NEDD4: variants seen among roughly 807,000 people sequenced by gnomAD.
The protein encoded by NEDD4 is E3 ubiquitin-protein ligase NEDD4.
A neutral mutation model predicts 144.9 loss-of-function variants in NEDD4; 99 were observed. The observed-to-expected ratio is 0.68, with a 90% CI of 0.58 to 0.81. NEDD4 has a LOEUF of 0.81. Ranked by LOEUF, NEDD4 falls within the 30% of genes least tolerant of loss-of-function variation. NEDD4 has a pLI of 0.00. For missense variants in NEDD4, 985 were observed against 1,065.9 expected, an observed-to-expected ratio of 0.92 and a Z score of 1.06; for synonymous variants, 318 against 350.6, an observed-to-expected ratio of 0.91 and a Z score of 1.04.
chr15:55,977,153 C>T (rs969705469), intron 1 of NEDD4, among the ~76,000 whole-genome samples: 1 of 152,094 alleles, frequency 6.6e-6, no homozygotes, highest in Non-Finnish European at 1.5e-5. Context: ...CAGGAGGCCT[C>T]GCTAAATAAG....
At chr15:55,923,769 G>C (rs1043624738) in intron 5 of NEDD4, among the ~76,000 whole-genome samples, 4 of 151,494 alleles carry the variant, frequency 2.6e-5, no homozygotes, top group African/African-American at 9.7e-5. Flanking sequence ...TTAGTTGCCA[G>C]TATAATTACC....
At position 55,849,798 on chromosome 15, in the gene NEDD4, T is replaced by C. The variant is rs1252175373; in HGVS notation, c.1347+744A>G. 5.0e-3 allele frequency among the ~76,000 whole-genome samples: 752 copies of C among 149,058 alleles called. 9 individuals carry two copies. Among genetic ancestry groups the C allele is most frequent in the Non-Finnish European group, 8.1e-3 (541 of 67,000 alleles). On this transcript the variant is annotated intron_variant, in intron 14 of 28. Transcript: ENST00000435532. ...TGCTGCTAATTTTAAGTAATTTTTT[T>C]TTTTTTTTTTTTGAGATGGAGTCTC...
chr15:55,899,560 G>C (rs2035846192), intron 5 of NEDD4, among the ~76,000 whole-genome samples: 7 of 152,168 alleles, frequency 4.6e-5, no homozygotes, highest in Admixed American at 4.6e-4. Flanking sequence ...CATTAGGGCA[G>C]GTACCAGTAG....
intron 5 of NEDD4, 84 bp downstream of exon 5, chr15:55,924,562 C>T (rs2036627912): frequency 1.6e-6 from 2 of 1,218,972 alleles, no homozygotes; most frequent in Non-Finnish European, 2.4e-6. Flanking sequence ...TCACTCAAAT[C>T]CCAGACTGCT....
intron 12 of NEDD4, 145 bp downstream of exon 12, chr15:55,855,985 CT>C (rs2034178105): frequency 1.5e-6 from 1 of 645,460 alleles, no homozygotes; most frequent in Non-Finnish European, 2.7e-6. Context: ...CTTTAAGCCC[CT>C]TCCCTGAACA....
intron 2 of NEDD4, among the ~76,000 whole-genome samples, chr15:55,955,297 A>G (rs1438327432): frequency 1.3e-5 from 2 of 152,286 alleles, no homozygotes; most frequent in South Asian, 2.1e-4. Flanking sequence ...TGGTGTGATT[A>G]TAGGTTATAG....
At chr15:55,837,943 A>T in intron 23 of NEDD4, 94 bp from the exon 24 acceptor site, 1 of 1,072,430 alleles carries the variant, frequency 9.3e-7, no homozygotes, top group Non-Finnish European at 1.4e-6. Context: ...AGGCTAGCTG[A>T]GACCAAGGTA....
intron 18 of NEDD4, among the ~76,000 whole-genome samples, chr15:55,843,361 A>C (rs11633263): frequency 0.32 from 49,203 of 152,158 alleles, 8,095 homozygotes; most frequent in South Asian, 0.42. Context: ...AAACTGAAGA[A>C]GACGACTTAA....
intron 5 of NEDD4, among the ~76,000 whole-genome samples, chr15:55,897,109 G>A (rs1450720492): frequency 4.6e-5 from 7 of 152,074 alleles, no homozygotes; most frequent in African/African-American, 1.7e-4. Context: ...GAGTAGCTGG[G>A]ACTATAGGTG....
intron 11 of NEDD4, among the ~76,000 whole-genome samples, chr15:55,858,648 G>T (rs2034288464): frequency 6.6e-6 from 1 of 152,108 alleles, no homozygotes; most frequent in Non-Finnish European, 1.5e-5. Flanking sequence ...CCACTCCCCT[G>T]TGAAAAAATG....
rs72734346 is a variant in NEDD4, at chr15:55,963,382, T to A, written c.119+3091A>T. ...TCTGGGCTCAAGTTCCTGGCTTTTT[T>A]ATTTAGTTTTTCAACAACTTCATTT... On this transcript the variant is annotated intron_variant, in intron 2 of 28. Coordinates refer to ENST00000435532, the MANE Select transcript of NEDD4 (RefSeq NM_006154.4). 7.1e-3 allele frequency among the ~76,000 whole-genome samples: 1,087 copies of A among 152,222 alleles called. 8 individuals are homozygous for A. The highest frequency in any genetic ancestry group is 0.011 in the Non-Finnish European group (743 of 67,994).
chr15:55,978,392 T>G (rs1231178544), intron 1 of NEDD4, among the ~76,000 whole-genome samples: 1 of 152,234 alleles, frequency 6.6e-6, no homozygotes, highest in African/African-American at 2.4e-5. Context: ...TTTAACTTCA[T>G]TTTATGATTT....
intron 1 of NEDD4, among the ~76,000 whole-genome samples, chr15:55,981,599 T>C (rs2037805182): frequency 6.6e-6 from 1 of 152,178 alleles, no homozygotes; most frequent in African/African-American, 2.4e-5. Flanking sequence ...GTCAGAATTC[T>C]TCAAGAGTTT....
At chr15:55,896,880 C>T (rs1408520811) in intron 5 of NEDD4, among the ~76,000 whole-genome samples, 1 of 151,684 alleles carries the variant, frequency 6.6e-6, no homozygotes, top group East Asian at 1.9e-4. Flanking sequence ...TATTTAAGAC[C>T]TAAAGATAAA....
At chr15:55,973,684 A>G (rs1386459522) in intron 1 of NEDD4, among the ~76,000 whole-genome samples, 6 of 152,192 alleles carry the variant, frequency 3.9e-5, no homozygotes, top group African/African-American at 1.4e-4. Flanking sequence ...TGATTGGCAG[A>G]TCAATGAAAA....
At chr15:55,876,352 GTT>G (rs537798836) in intron 5 of NEDD4, among the ~76,000 whole-genome samples, 1 of 142,750 alleles carries the variant, frequency 7.0e-6, no homozygotes. Context: ...TGTGGGTAAA[GTT>G]TTTTTTTTTT....
chr15:55,950,701 G>C (rs1414012710), intron 4 of NEDD4, among the ~76,000 whole-genome samples: 1 of 152,020 alleles, frequency 6.6e-6, no homozygotes, highest in Non-Finnish European at 1.5e-5. Flanking sequence ...ACTCTCCCAT[G>C]AATGTTCCTT....
At chr15:55,838,288 A>C (rs2033307934) in intron 22 of NEDD4, 108 bp from the exon 23 acceptor site, 2 of 815,334 alleles carry the variant, frequency 2.5e-6, no homozygotes, top group Non-Finnish European at 3.8e-6. Flanking sequence ...AAGTCCAGTC[A>C]AAAGTTAAAA....
chr15:55,877,042 T>C (rs1376425600), intron 5 of NEDD4, among the ~76,000 whole-genome samples: 1 of 152,026 alleles, frequency 6.6e-6, no homozygotes, highest in Non-Finnish European at 1.5e-5. Flanking sequence ...TTTAAAAAAA[T>C]TGCAAAAATA....
Sources: gnomAD v4.1 joint callset for allele counts (sites outside exome capture counted in the v4.1 genomes callset) on GRCh38, gnomAD v4.1.1 for gene constraint, MANE v1.5 for transcripts, NCBI Gene and HGNC (gene_info 2026-07-23, HGNC 2026-07-21) for gene names.